LSAMP: variants seen among roughly 807,000 people sequenced by gnomAD.
LSAMP encodes the protein limbic system-associated membrane protein.
LSAMP carries 7 observed loss-of-function variants against 38.6 expected under a neutral mutation model. That is an observed-to-expected ratio of 0.18 (90% CI 0.10 to 0.34). The LOEUF (loss-of-function observed/expected upper bound fraction) is 0.34. Ranked by LOEUF, LSAMP falls within the 10% of genes least tolerant of loss-of-function variation. The pLI is 1.00. For synonymous variants in LSAMP, 154 were observed against 166.8 expected (o/e 0.92, Z 0.59); for missense variants, 313 against 420.0 (o/e 0.75, Z 2.23).
chr3:116,007,596 C>T (rs1330717037), intron 3 of LSAMP, among the ~76,000 whole-genome samples: 1 of 152,098 alleles, frequency 6.6e-6, no homozygotes, highest in Non-Finnish European at 1.5e-5. Context: ...TAAACCTCTT[C>T]ATCTAAAGTG....
chr3:115,918,726 T>G (rs1937313666), intron 3 of LSAMP, among the ~76,000 whole-genome samples: 1 of 145,032 alleles, frequency 6.9e-6, no homozygotes, highest in Non-Finnish European at 1.5e-5. Flanking sequence ...TTTTTTTTTG[T>G]CCCTGCTTCA....
chr3:116,065,086 T>A (rs1707390149), intron 2 of LSAMP, among the ~76,000 whole-genome samples: 1 of 152,236 alleles, frequency 6.6e-6, no homozygotes, highest in South Asian at 2.1e-4. Context: ...GTAGCCACTT[T>A]GTCAAATATT....
Position 116,158,105 on chromosome 3 carries a change from A to G in LSAMP, c.156-71549T>C, listed in dbSNP as rs183788268. ...TAAAAACAGAACGAAAACAACAAAA[A>G]AGAGATCATCTTAATAGATACAGAA... On this transcript the variant is annotated intron_variant, in intron 1 of 6. Transcript: ENST00000490035. Among the ~76,000 whole-genome samples the G allele has an allele frequency of 2.0e-3, 306 of 152,250 alleles. 1 individual carries two copies. The highest frequency in any genetic ancestry group is 3.2e-3 in the Non-Finnish European group (217 of 68,016).
chr3:116,265,576 T>G (rs1334678745), intron 1 of LSAMP, among the ~76,000 whole-genome samples: 2 of 152,190 alleles, frequency 1.3e-5, no homozygotes, highest in Non-Finnish European at 2.9e-5. Context: ...ATGATGAAGT[T>G]GTTGGGAAGG....
At chr3:116,011,568 CA>C (rs11288603) in intron 3 of LSAMP, among the ~76,000 whole-genome samples, 69,146 of 147,762 alleles carry the variant, frequency 0.47, 16,972 homozygotes, top group African/African-American at 0.66. Context: ...GAAAATTAAG[CA>C]AAAAAAAAAA....
chr3:116,423,915 G>C (rs1012918687), intron 1 of LSAMP, among the ~76,000 whole-genome samples: 4 of 152,106 alleles, frequency 2.6e-5, no homozygotes, highest in African/African-American at 9.7e-5. Context: ...AGATCAAAAA[G>C]AAAATATCAG....
intron 3 of LSAMP, among the ~76,000 whole-genome samples, chr3:116,014,410 T>C (rs1400067605): frequency 6.6e-6 from 1 of 152,138 alleles, no homozygotes; most frequent in African/African-American, 2.4e-5. Flanking sequence ...AAAACCAATA[T>C]ATAACTAAGA....
intron 3 of LSAMP, among the ~76,000 whole-genome samples, chr3:115,980,644 A>T (rs540881711): frequency 6.6e-6 from 1 of 152,290 alleles, no homozygotes; most frequent in South Asian, 2.1e-4. Context: ...TTGAATAATT[A>T]TTGAGATCTG....
intron 1 of LSAMP, among the ~76,000 whole-genome samples, chr3:116,417,551 T>A (rs1051930322): frequency 1.3e-5 from 2 of 152,204 alleles, no homozygotes; most frequent in Non-Finnish European, 2.9e-5. Context: ...TTCCTTTGCT[T>A]AAAAATCACT....
intron 4 of LSAMP, among the ~76,000 whole-genome samples, chr3:115,852,264 G>T (rs910378520): frequency 6.6e-6 from 1 of 152,182 alleles, no homozygotes; most frequent in Non-Finnish European, 1.5e-5. Context: ...GTAGAAAAGG[G>T]TACTGTTAAA....
chr3:115,854,274 T>A (rs1390203322), intron 3 of LSAMP, among the ~76,000 whole-genome samples: 1 of 120,202 alleles, frequency 8.3e-6, no homozygotes, highest in Non-Finnish European at 1.7e-5. Flanking sequence ...ATTATTATTA[T>A]TATTATTATT....
intron 1 of LSAMP, among the ~76,000 whole-genome samples, chr3:116,348,446 A>G (rs1450230061): frequency 1.3e-5 from 2 of 152,072 alleles, no homozygotes. Flanking sequence ...CCTGACATTC[A>G]AGGTTTGTTT....
chr3:116,034,700 C>T (rs2107708881), intron 2 of LSAMP, among the ~76,000 whole-genome samples: 1 of 152,248 alleles, frequency 6.6e-6, no homozygotes, highest in African/African-American at 2.4e-5. Flanking sequence ...TCACATTTCT[C>T]CTGATGGTAA....
chr3:116,081,607 T>G (rs1707874721), intron 2 of LSAMP, among the ~76,000 whole-genome samples: 1 of 152,150 alleles, frequency 6.6e-6, no homozygotes, highest in Non-Finnish European at 1.5e-5. Context: ...AATGTGGAGA[T>G]TTTAAAAACA....
chr3:116,246,960 C>T (rs2046613174), intron 1 of LSAMP, among the ~76,000 whole-genome samples: 1 of 152,132 alleles, frequency 6.6e-6, no homozygotes, highest in African/African-American at 2.4e-5. Context: ...AGGCTCACAT[C>T]AGCTTTTCCA....
In LSAMP at chr3:116,445,077, G is replaced by A. The variant is rs747680204; in HGVS notation, c.-46C>T. The A allele has an allele frequency of 7.0e-6, 11 of 1,571,574 alleles. No individual in the cohort carries two copies. In the South Asian group the frequency reaches 7.1e-5, roughly 10 times the overall value. On this transcript the variant is annotated 5_prime_UTR_variant, in exon 1 of 7. Coordinates refer to ENST00000490035, the MANE Select transcript of LSAMP (RefSeq NM_002338.5). ...GGTCCGCGGGGTGCTCTGGAGGGGT[G>A]CGCGCTGCTCGCGAGGAGAGGCTTC... is the stretch of plus-strand genomic sequence containing the variant.
At chr3:116,317,891 T>C (rs1295990981) in intron 1 of LSAMP, among the ~76,000 whole-genome samples, 3 of 151,264 alleles carry the variant, frequency 2.0e-5, no homozygotes, top group Non-Finnish European at 3.0e-5. Flanking sequence ...ATCCCAACAC[T>C]TTGGGAGGCT....
At chr3:115,926,968 C>T (rs1015285022) in intron 3 of LSAMP, among the ~76,000 whole-genome samples, 6 of 152,074 alleles carry the variant, frequency 3.9e-5, no homozygotes, top group African/African-American at 7.2e-5. Flanking sequence ...TCTTATTCTT[C>T]GCTGCATATT....
chr3:116,387,944 GA>G lies in LSAMP; in HGVS notation c.155+56932del, dbSNP rs199967114. Among the ~76,000 whole-genome samples, 691 of 148,508 alleles carry G rather than the reference GA, an allele frequency of 4.7e-3. 7 individuals are homozygous for G. The highest frequency in any genetic ancestry group is 0.016 in the African/African-American group (649 of 40,520). On this transcript the variant is annotated intron_variant, in intron 1 of 6. Transcript: ENST00000490035. ...CCGTCTCTACTAAAAATACAAAAAA[GA>G]AAAAAAAAATGAGTTGGGTGTGGTG...
Sources: gnomAD v4.1 joint callset for allele counts (sites outside exome capture counted in the v4.1 genomes callset) on GRCh38, gnomAD v4.1.1 for gene constraint, MANE v1.5 for transcripts, NCBI Gene and HGNC (gene_info 2026-07-23, HGNC 2026-07-21) for gene names.